KCNH5: variants seen among roughly 807,000 people sequenced by gnomAD.
The protein encoded by KCNH5 is potassium voltage-gated channel subfamily H member 5.
In KCNH5, 46 loss-of-function variants were observed where a neutral mutation model predicts 96.1. The ratio of observed to expected loss-of-function variants is 0.48; its 90% CI spans 0.38 to 0.61. The LOEUF is 0.61. Among genes scored for constraint, KCNH5 ranks in the 20% least tolerant of loss-of-function variants. The pLI, the probability that KCNH5 is intolerant of heterozygous loss-of-function variation, is 0.00. For missense variants in KCNH5, 907 were observed against 1,225.8 expected, an observed-to-expected ratio of 0.74 and a Z score of 3.88; for synonymous variants, 439 against 449.8, an observed-to-expected ratio of 0.98 and a Z score of 0.30.
intron 7 of KCNH5, among the ~76,000 whole-genome samples, chr14:62,937,443 A>G (rs1232400793): frequency 6.6e-6 from 1 of 152,180 alleles, no homozygotes; most frequent in Non-Finnish European, 1.5e-5. Context: ...AAGGGCTACT[A>G]TCCTGTCCTA....
At chr14:62,765,140 A>T (rs896782544) in intron 10 of KCNH5, among the ~76,000 whole-genome samples, 1 of 152,338 alleles carries the variant, frequency 6.6e-6, no homozygotes, top group African/African-American at 2.4e-5. Context: ...AGGCTACAGT[A>T]ATCAAAGCAG....
intron 7 of KCNH5, among the ~76,000 whole-genome samples, chr14:62,949,029 T>TA (rs1247371427): frequency 5.3e-5 from 8 of 151,178 alleles, no homozygotes; most frequent in Admixed American, 1.3e-4. Flanking sequence ...AAGAGCTATC[T>TA]ATGACAAACC....
At chr14:62,998,080 G>A (rs1165766634) in intron 4 of KCNH5, among the ~76,000 whole-genome samples, 1 of 151,960 alleles carries the variant, frequency 6.6e-6, no homozygotes, top group South Asian at 2.1e-4. Flanking sequence ...TAAACGTATG[G>A]TAGCGCTTAC....
chr14:62,841,891 C>T (rs908609450), intron 8 of KCNH5, among the ~76,000 whole-genome samples: 7 of 152,210 alleles, frequency 4.6e-5, no homozygotes, highest in African/African-American at 1.7e-4. Context: ...GCAAGTTATC[C>T]ATGGACCTCT....
intron 10 of KCNH5, among the ~76,000 whole-genome samples, chr14:62,716,887 T>C (rs1884698421): frequency 6.6e-6 from 1 of 152,140 alleles, no homozygotes; most frequent in Non-Finnish European, 1.5e-5. Flanking sequence ...TGATCATGCA[T>C]ATAGAAAATC....
At chr14:62,818,431 TTAAG>T (rs1453153120) in intron 8 of KCNH5, among the ~76,000 whole-genome samples, 3 of 152,110 alleles carry the variant, frequency 2.0e-5, no homozygotes, top group Non-Finnish European at 4.4e-5. Context: ...TCTAAAACCA[TTAAG>T]TATGAAAAAG....
At chr14:63,018,366 C>T (rs9323430) in intron 1 of KCNH5, among the ~76,000 whole-genome samples, 45,210 of 151,460 alleles carry the variant, frequency 0.3, 8,214 homozygotes, top group East Asian at 0.59. Flanking sequence ...GATAAACTTC[C>T]GCATAATATA....
At chr14:62,808,062 T>G (rs1306974336) in intron 8 of KCNH5, among the ~76,000 whole-genome samples, 1 of 152,134 alleles carries the variant, frequency 6.6e-6, no homozygotes, top group African/African-American at 2.4e-5. Context: ...AGTACATGAT[T>G]AAAATTGCTT....
chr14:62,725,565 TTGA>T (rs1232748814), intron 10 of KCNH5, among the ~76,000 whole-genome samples: 9 of 152,250 alleles, frequency 5.9e-5, no homozygotes, highest in Non-Finnish European at 1.3e-4. Context: ...TCACAGTCAA[TTGA>T]TGATATCAGA....
chr14:62,997,616 T>A (rs1890929908), intron 4 of KCNH5, among the ~76,000 whole-genome samples: 1 of 152,036 alleles, frequency 6.6e-6, no homozygotes, highest in East Asian at 1.9e-4. Context: ...CCAATTTTTG[T>A]AGAGGATTTT....
intron 7 of KCNH5, among the ~76,000 whole-genome samples, chr14:62,925,020 G>C (rs1269612944): frequency 6.6e-6 from 1 of 151,684 alleles, no homozygotes; most frequent in Admixed American, 6.6e-5. Flanking sequence ...AGCTTCATTG[G>C]GATAATCACT....
At chr14:62,818,554 C>T (rs1566670859) in intron 8 of KCNH5, among the ~76,000 whole-genome samples, 1 of 152,084 alleles carries the variant, frequency 6.6e-6, no homozygotes, top group Admixed American at 6.6e-5. Context: ...CCAAAACCCT[C>T]GGGTATCCCA....
chr14:62,715,162 T>C (rs749094525), intron 10 of KCNH5, among the ~76,000 whole-genome samples: 3 of 152,130 alleles, frequency 2.0e-5, no homozygotes, highest in African/African-American at 4.8e-5. Context: ...GATATCAAAA[T>C]TGAATAATTT....
intron 7 of KCNH5, among the ~76,000 whole-genome samples, chr14:62,946,676 T>C (rs76340953): frequency 1.1e-3 from 162 of 152,234 alleles, no homozygotes; most frequent in African/African-American, 3.7e-3. Context: ...ACAAATACAA[T>C]GTCCTTCAAT....
Position 62,738,459 on chromosome 14 carries a change from T to A in KCNH5, c.2020-30004A>T, listed in dbSNP as rs547769396. On this transcript the variant is annotated intron_variant, in intron 10 of 10. Coordinates refer to ENST00000322893, the MANE Select transcript of KCNH5 (RefSeq NM_139318.5). ...GGTGCCTCAAAGAGCTCATTATGAGTGAATGAGACTCAATATTACTGGCTG... is the reference window on the plus strand; with the variant it reads ...GGTGCCTCAAAGAGCTCATTATGAGAGAATGAGACTCAATATTACTGGCTG... Among the ~76,000 whole-genome samples, 4 of 152,216 alleles carry A rather than the reference T, an allele frequency of 2.6e-5. No homozygotes were observed. The South Asian group carries it at 8.3e-4, about 32-fold the overall frequency.
chr14:62,833,462 T>A (rs1315749432), intron 8 of KCNH5, among the ~76,000 whole-genome samples: 1 of 152,120 alleles, frequency 6.6e-6, no homozygotes, highest in East Asian at 1.9e-4. Flanking sequence ...TGCATGGGTT[T>A]ATTTATGGTC....
At chr14:62,888,352 T>C (rs984116442) in intron 7 of KCNH5, among the ~76,000 whole-genome samples, 3 of 152,204 alleles carry the variant, frequency 2.0e-5, no homozygotes, top group African/African-American at 4.8e-5. Context: ...AGAGTGTATA[T>C]TCTCTTTTGT....
At chr14:63,007,424 A>G (rs959516690) in intron 2 of KCNH5, among the ~76,000 whole-genome samples, 1 of 152,190 alleles carries the variant, frequency 6.6e-6, no homozygotes, top group East Asian at 1.9e-4. Context: ...TAAATGACTC[A>G]TAAGTTTTTT....
At chr14:62,946,603 A>G (rs78837798) in intron 7 of KCNH5, among the ~76,000 whole-genome samples, 2,946 of 152,076 alleles carry the variant, frequency 0.019, 59 homozygotes, top group East Asian at 0.082. Context: ...GGTTTGCTGC[A>G]ATATCAACCC....
Sources: gnomAD v4.1 joint callset for allele counts (sites outside exome capture counted in the v4.1 genomes callset) on GRCh38, gnomAD v4.1.1 for gene constraint, MANE v1.5 for transcripts, NCBI Gene and HGNC (gene_info 2026-07-23, HGNC 2026-07-21) for gene names.